The following DYTN variants were observed in gnomAD, a reference collection of about 807,000 sequenced individuals.
DYTN encodes dystrotelin.
In DYTN, 75 loss-of-function variants were observed where a neutral mutation model predicts 69.6. The observed-to-expected ratio is 1.08, with a 90% CI of 0.89 to 1.31. DYTN has a LOEUF of 1.31. Among genes scored for constraint, DYTN ranks in the 50% most tolerant of loss-of-function variants. The pLI is 0.00. For synonymous variants in DYTN, 252 were observed against 249.1 expected (o/e 1.01, Z -0.11); for missense variants, 726 against 688.4 (o/e 1.05, Z -0.61).
At chr2:206,656,700 AACTTC>A (rs71034465) in intron 11 of DYTN, among the ~76,000 whole-genome samples, 23,247 of 151,890 alleles carry the variant, frequency 0.15, 1,872 homozygotes, top group Non-Finnish European at 0.18. Context: ...GGCTGATAAT[AACTTC>A]ACTTCAATTG....
chr2:206,699,543 A>G (rs959040066), intron 7 of DYTN, among the ~76,000 whole-genome samples, 184 bp downstream of exon 7: 1 of 152,372 alleles, frequency 6.6e-6, no homozygotes, highest in African/African-American at 2.4e-5. Context: ...TTCATCCATT[A>G]TAGAAGATAA....
At chr2:206,693,415 T>G (rs959156300) in intron 8 of DYTN, 92 bp from the exon 9 acceptor site, 11 of 1,482,342 alleles carry the variant, frequency 7.4e-6, no homozygotes, top group Non-Finnish European at 9.9e-6. Context: ...CCATGAAAGT[T>G]TTTGGAATTA....
chr2:206,681,475 G>T (rs1212749983), intron 9 of DYTN, among the ~76,000 whole-genome samples: 2 of 152,126 alleles, frequency 1.3e-5, no homozygotes, highest in East Asian at 1.9e-4. Flanking sequence ...AATGCTTCCA[G>T]CTTTTGCCCA....
rs116159997 is a variant in DYTN at position 206,654,415 on chromosome 2, T to C, written c.1634-2494A>G. Among the ~76,000 whole-genome samples, 1,271 of 152,324 alleles carry C rather than the reference T, an allele frequency of 8.3e-3. 16 individuals carry two copies. The highest frequency in any genetic ancestry group is 0.029 in the African/African-American group (1,226 of 41,566). Reference sequence around the variant, plus strand: ...TTAATGAATAGTAAATATATTTTCTTTTCCTTATGATTCCCTTAATAACAT... The same window carrying C: ...TTAATGAATAGTAAATATATTTTCTCTTCCTTATGATTCCCTTAATAACAT... On this transcript the variant is annotated intron_variant, in intron 11 of 11. Coordinates refer to ENST00000452335, the MANE Select transcript of DYTN (RefSeq NM_001093730.1).
chr2:206,703,163 G>C (rs1363844605), intron 5 of DYTN, among the ~76,000 whole-genome samples: 1 of 152,174 alleles, frequency 6.6e-6, no homozygotes, highest in Non-Finnish European at 1.5e-5. Flanking sequence ...ATTTGAACCT[G>C]AAACAAGGGC....
intron 9 of DYTN, among the ~76,000 whole-genome samples, chr2:206,676,516 A>G (rs1699689292): frequency 6.6e-6 from 1 of 152,224 alleles, no homozygotes; most frequent in Admixed American, 6.5e-5. Flanking sequence ...TGATAGGTGC[A>G]GCAAACCACC....
At chr2:206,702,543 T>A (rs1282809607) in intron 5 of DYTN, among the ~76,000 whole-genome samples, 1 of 152,244 alleles carries the variant, frequency 6.6e-6, no homozygotes, top group East Asian at 1.9e-4. Flanking sequence ...CTACTCCCTA[T>A]GTTATTTAGC....
intron 8 of DYTN, among the ~76,000 whole-genome samples, chr2:206,693,568 T>G (rs933769498): frequency 6.6e-6 from 1 of 152,168 alleles, no homozygotes. Flanking sequence ...AACCCCGTCA[T>G]TTGGCATTCT....
chr2:206,664,298 T>C (rs1699544349), intron 10 of DYTN, among the ~76,000 whole-genome samples: 1 of 152,150 alleles, frequency 6.6e-6, no homozygotes, highest in Non-Finnish European at 1.5e-5. Flanking sequence ...TCAAACAGTT[T>C]CTCAAAAATG....
rs773886796 is a variant in DYTN, at chr2:206,693,260, G to A, written c.895C>T (p.Arg299Cys). The stretch of plus-strand genomic sequence containing the variant: ...CTCGCTGCTTCTTTCTTCCTACAGC[G>A]CCCCTGAAGAAGGTTGTTTCTGAGG... ...RTLRNNLLQG[R>C]CRKKEAARRQ... The change falls in exon 9 of 12, where the codon CGC becomes TGC. Residue 299 changes from arginine (R) to cysteine (C), a missense_variant. Transcript: ENST00000452335. 1.8e-5 allele frequency: 29 copies of A among 1,613,384 alleles called. 1 individual carries two copies. The highest frequency in any genetic ancestry group is 3.3e-5 in the South Asian group (3 of 91,082).
rs1699740217 is a variant in DYTN, at chr2:206,680,559, A to T, written c.980+12616T>A. On this transcript the variant is annotated intron_variant, in intron 9 of 11. Coordinates refer to ENST00000452335, the MANE Select transcript of DYTN (RefSeq NM_001093730.1). ...GATGGTGAATTCCTTCCAGTATAGT[A>T]GATAGCAGCTAAAACTTGTTCTTTT... Among the ~76,000 whole-genome samples, 3 of 152,298 alleles carry T rather than the reference A, an allele frequency of 2.0e-5. No individual in the cohort carries two copies. The South Asian group carries it at 6.2e-4, about 32-fold the overall frequency.
intron 2 of DYTN, among the ~76,000 whole-genome samples, chr2:206,707,806 G>A (rs1397861330): frequency 6.6e-6 from 1 of 152,088 alleles, no homozygotes. Flanking sequence ...AGGGAAGTGA[G>A]AAACGAAAAA....
rs141245078 is a variant in DYTN, at chr2:206,681,172, C to T, written c.980+12003G>A. ...AGTTCATTCATGATTTGGCTCTCTGCTTGTCTATTGTTGTTGTATAGGAAT... is the reference window on the plus strand; with the variant it reads ...AGTTCATTCATGATTTGGCTCTCTGTTTGTCTATTGTTGTTGTATAGGAAT... On this transcript the variant is annotated intron_variant, in intron 9 of 11. Coordinates refer to ENST00000452335, the MANE Select transcript of DYTN (RefSeq NM_001093730.1). 1.8e-3 allele frequency among the ~76,000 whole-genome samples: 279 copies of T among 152,134 alleles called. 1 individual carries two copies. Among genetic ancestry groups the T allele is most frequent in the Middle Eastern group, 0.01 (3 of 294 alleles).
chr2:206,679,337 A>G (rs1386689154), intron 9 of DYTN, among the ~76,000 whole-genome samples: 3 of 152,156 alleles, frequency 2.0e-5, no homozygotes, highest in Non-Finnish European at 2.9e-5. Context: ...TTTCCAGACA[A>G]TTTTGTTGAC....
chr2:206,695,915 G>A (rs142964005), intron 7 of DYTN, among the ~76,000 whole-genome samples: 497 of 152,268 alleles, frequency 3.3e-3, no homozygotes, highest in Non-Finnish European at 5.2e-3. Context: ...TGCCTTTTAA[G>A]CATTTGGGTT....
In DYTN at chr2:206,694,808, C is replaced by G; in HGVS notation, c.789G>C (p.Lys263Asn). The G allele has an allele frequency of 6.2e-7, 1 of 1,611,168 alleles. No homozygotes were observed. The highest frequency in any genetic ancestry group is 1.1e-5 in the South Asian group (1 of 90,500). Residue 263 changes from lysine (K) to asparagine (N), a missense_variant, in exon 8 of 12, where the codon AAG becomes AAC. Coordinates refer to ENST00000452335, the MANE Select transcript of DYTN (RefSeq NM_001093730.1). ...QMCFLSGLHS[K>N]SHQKSHPVIE... ...TGACAGGATGAGACTTCTGATGGGA[C>G]TTGCTGTGAAGACCAGATAAGAAAC...
At chr2:206,714,033 T>C (rs565820325) in intron 1 of DYTN, among the ~76,000 whole-genome samples, 1 of 152,280 alleles carries the variant, frequency 6.6e-6, no homozygotes, top group African/African-American at 2.4e-5. Flanking sequence ...GATTCAAACA[T>C]ATGTGGCAAG....
intron 9 of DYTN, among the ~76,000 whole-genome samples, chr2:206,674,002 G>C (rs577248952): frequency 6.6e-6 from 1 of 152,246 alleles, no homozygotes; most frequent in South Asian, 2.1e-4. Context: ...GCACACTACT[G>C]TTGCAATTAA....
intron 9 of DYTN, chr2:206,679,092 C>A (rs1390152482): frequency 1.3e-5 from 2 of 152,126 alleles, no homozygotes; most frequent in Non-Finnish European, 2.9e-5. Flanking sequence ...CTTGGAGGCA[C>A]CTGTGGCTGC....
Sources: gnomAD v4.1 joint callset for allele counts (sites outside exome capture counted in the v4.1 genomes callset) on GRCh38, gnomAD v4.1.1 for gene constraint, MANE v1.5 for transcripts, NCBI Gene and HGNC (gene_info 2026-07-23, HGNC 2026-07-21) for gene names.